MERTK: variants seen among roughly 807,000 people sequenced by gnomAD.
MERTK encodes the protein MER proto-oncogene, tyrosine kinase, also known as tyrosine-protein kinase Mer.
In MERTK, 69 loss-of-function variants were observed where a neutral mutation model predicts 99.3. That is an observed-to-expected ratio of 0.70 (90% CI 0.57 to 0.85). The LOEUF (loss-of-function observed/expected upper bound fraction) is 0.85, where lower values mean the gene tolerates loss of function less well. Ranked by LOEUF, MERTK falls within the 40% of genes least tolerant of loss-of-function variation. The pLI is 0.00. For synonymous variants in MERTK, 426 were observed against 467.6 expected, an observed-to-expected ratio of 0.91 and a Z score of 1.15; for missense variants, 1,125 against 1,249.4, an observed-to-expected ratio of 0.90 and a Z score of 1.50.
intron 3 of MERTK, among the ~76,000 whole-genome samples, 186 bp from the exon 4 acceptor site, chr2:111,947,208 G>C (rs1684974497): frequency 6.6e-6 from 1 of 152,138 alleles, no homozygotes; most frequent in East Asian, 1.9e-4. Flanking sequence ...AGGAGGTAGA[G>C]ATTGCAGTGA....
intron 2 of MERTK, among the ~76,000 whole-genome samples, chr2:111,942,710 C>G (rs1004378951): frequency 6.6e-6 from 1 of 151,984 alleles, no homozygotes; most frequent in African/African-American, 2.4e-5. Flanking sequence ...TACAAAAGAA[C>G]GAGGGGAAAG....
intron 11 of MERTK, among the ~76,000 whole-genome samples, chr2:112,002,569 G>C (rs1676890510): frequency 6.6e-6 from 1 of 152,066 alleles, no homozygotes; most frequent in South Asian, 2.1e-4. Flanking sequence ...TCTGATTTTT[G>C]TAATTCTTCA....
intron 4 of MERTK, among the ~76,000 whole-genome samples, chr2:111,948,352 T>G (rs989730621): frequency 6.6e-6 from 1 of 152,186 alleles, no homozygotes; most frequent in Non-Finnish European, 1.5e-5. Flanking sequence ...ATGGCAGGGC[T>G]CAATCCTGGG....
intron 15 of MERTK, among the ~76,000 whole-genome samples, chr2:112,016,425 G>A (rs1677217092): frequency 6.6e-6 from 1 of 152,210 alleles, no homozygotes; most frequent in African/African-American, 2.4e-5. Context: ...TAGACAAACA[G>A]AAAAATCAAG....
intron 18 of MERTK, among the ~76,000 whole-genome samples, chr2:112,025,347 C>T (rs571196126): frequency 7.9e-5 from 12 of 152,276 alleles, no homozygotes; most frequent in South Asian, 2.1e-4. Context: ...GCACCACCCT[C>T]GCGCTTCACA....
At chr2:111,994,435 G>T (rs1188687507) in intron 9 of MERTK, 31 bp downstream of exon 9, 3 of 1,613,618 alleles carry the variant, frequency 1.9e-6, no homozygotes, top group Middle Eastern at 3.3e-4. Context: ...GGGCTGATAG[G>T]ATGTGATGGT....
intron 6 of MERTK, among the ~76,000 whole-genome samples, chr2:111,973,614 C>A (rs1456273426): frequency 6.6e-6 from 1 of 152,162 alleles, no homozygotes; most frequent in East Asian, 1.9e-4. Context: ...AACAGTAATA[C>A]ATTTTGTGGC....
chr2:111,992,026 C>A (rs1676631164), intron 8 of MERTK, among the ~76,000 whole-genome samples: 1 of 152,086 alleles, frequency 6.6e-6, no homozygotes, highest in Admixed American at 6.6e-5. Context: ...TCTGTCTCCC[C>A]AAGGCAGGGC....
intron 15 of MERTK, chr2:112,010,396 T>C (rs753610969): frequency 7.2e-5 from 21 of 292,502 alleles, no homozygotes; most frequent in Non-Finnish European, 1.4e-4. Flanking sequence ...TTGCAGACTA[T>C]GGGAAGGCCA....
At chr2:112,018,133 T>C (rs1037726749) in intron 15 of MERTK, among the ~76,000 whole-genome samples, 4 of 152,244 alleles carry the variant, frequency 2.6e-5, no homozygotes, top group African/African-American at 4.8e-5. Flanking sequence ...TATTCATCAC[T>C]AGTATATAAA....
At chr2:111,917,536 G>T (rs1472912222) in intron 1 of MERTK, among the ~76,000 whole-genome samples, 1 of 152,180 alleles carries the variant, frequency 6.6e-6, no homozygotes, top group Admixed American at 6.5e-5. Context: ...GAGGTTCCTA[G>T]CCAGTCTGCC....
intron 8 of MERTK, among the ~76,000 whole-genome samples, chr2:111,992,396 C>T (rs1676639150): frequency 6.6e-6 from 1 of 151,954 alleles, no homozygotes; most frequent in African/African-American, 2.4e-5. Context: ...GAAAGCTCTG[C>T]ACCCCTTCCC....
chr2:112,013,375 A>G (rs188165734), intron 15 of MERTK: 1 of 154,460 alleles, frequency 6.5e-6, no homozygotes, highest in Admixed American at 6.5e-5. Flanking sequence ...CTGTAAAAGG[A>G]TAAAAAATTA....
At chr2:111,944,169 G>A (rs189319755) in intron 2 of MERTK, among the ~76,000 whole-genome samples, 6 of 152,034 alleles carry the variant, frequency 3.9e-5, no homozygotes, top group Non-Finnish European at 5.9e-5. Flanking sequence ...GCATGGTGGC[G>A]CATGCCTGTA....
chr2:111,914,608 T>TC (rs1684315681), intron 1 of MERTK, among the ~76,000 whole-genome samples: 1 of 152,240 alleles, frequency 6.6e-6, no homozygotes, highest in Admixed American at 6.5e-5. Context: ...GGGTTTTTTT[T>TC]CCCCCATGAG....
At chr2:111,955,964 G>T (rs1358031435) in intron 4 of MERTK, among the ~76,000 whole-genome samples, 2 of 135,674 alleles carry the variant, frequency 1.5e-5, no homozygotes, top group Non-Finnish European at 3.2e-5. Flanking sequence ...ACCGGGGCCT[G>T]TCATAGGGTG....
intron 2 of MERTK, among the ~76,000 whole-genome samples, chr2:111,943,364 C>A (rs1057318867): frequency 1.6e-4 from 24 of 152,068 alleles, no homozygotes; most frequent in African/African-American, 5.6e-4. Flanking sequence ...CTCTGGAGAG[C>A]ATCTGAAAGT....
At chr2:111,964,368 C>CGTGT (rs200168355) in intron 4 of MERTK, among the ~76,000 whole-genome samples, 18,344 of 141,028 alleles carry the variant, frequency 0.13, 1,249 homozygotes, top group East Asian at 0.25. Context: ...ATCATTGTCT[C>CGTGT]GTGTGTGTGT....
chr2:111,997,338 C>T lies in MERTK; in HGVS notation c.1466C>T (p.Ala489Val), dbSNP rs946682230. The change falls in exon 10 of 19, where the codon GCC (alanine) becomes GTC (valine). Residue 489 changes from alanine (A) to valine (V), a missense_variant. Transcript: ENST00000295408. Reference sequence around the variant, plus strand: ...ATCTCACCAGGTTGGGTAGATTATGCCCCCTCTTCAACTCCGGCGCCTGGC... The same window carrying T: ...ATCTCACCAGGTTGGGTAGATTATGTCCCCTCTTCAACTCCGGCGCCTGGC... ...FIPAHGWVDY[A>V]PSSTPAPGNA... The T allele has an allele frequency of 5.0e-6, 8 of 1,614,118 alleles. No individual in the cohort carries two copies. The East Asian group carries it at 1.1e-4, about 22-fold the overall frequency.
Sources: gnomAD v4.1 joint callset for allele counts (sites outside exome capture counted in the v4.1 genomes callset) on GRCh38, gnomAD v4.1.1 for gene constraint, MANE v1.5 for transcripts, NCBI Gene and HGNC (gene_info 2026-07-23, HGNC 2026-07-21) for gene names.